The following ACER3 variants were observed in gnomAD, a reference collection of about 807,000 sequenced individuals.
ACER3 encodes alkaline ceramidase 3, also known as alkCDase 3.
ACER3 carries 16 observed loss-of-function variants against 48.9 expected under a neutral mutation model. The ratio of observed to expected loss-of-function variants is 0.33; its 90% CI spans 0.22 to 0.50. The LOEUF is 0.50. ACER3 is among the 20% of genes least tolerant of loss of function. The pLI, the probability that ACER3 is intolerant of heterozygous loss-of-function variation, is 0.98. For synonymous variants in ACER3, 109 were observed against 107.8 expected (o/e 1.01, Z -0.07); for missense variants, 227 against 326.0 (o/e 0.70, Z 2.34).
At chr11:76,892,347 TA>T (rs1565162310) in intron 1 of ACER3, among the ~76,000 whole-genome samples, 3 of 152,194 alleles carry the variant, frequency 2.0e-5, no homozygotes, top group African/African-American at 7.2e-5. Flanking sequence ...TCTTTATTTT[TA>T]AAAAATAAAA....
intron 9 of ACER3, among the ~76,000 whole-genome samples, chr11:77,019,048 GGCTTCAAA>G (rs755112815): frequency 6.6e-6 from 1 of 152,218 alleles, no homozygotes; most frequent in Non-Finnish European, 1.5e-5. Context: ...GTCAATGCGT[GGCTTCAAA>G]GCTTCAAAGG....
chr11:76,975,055 T>C (rs545444300), intron 3 of ACER3, among the ~76,000 whole-genome samples: 85 of 152,348 alleles, frequency 5.6e-4, no homozygotes, highest in African/African-American at 1.9e-3. Flanking sequence ...TTTACCAGAA[T>C]GAATCATTCA....
At chr11:77,011,437 A>G in intron 7 of ACER3, 1 of 934,918 alleles carries the variant, frequency 1.1e-6, no homozygotes, top group South Asian at 4.9e-5. Context: ...TATTCCTGTC[A>G]TATTTCAGTA....
chr11:76,962,432 C>T (rs1205295016), intron 3 of ACER3, among the ~76,000 whole-genome samples: 1 of 151,148 alleles, frequency 6.6e-6, no homozygotes, highest in Non-Finnish European at 1.5e-5. Context: ...ATTGGCCAGG[C>T]TGGTCTTGAA....
chr11:76,947,950 G>A (rs1947519232), intron 2 of ACER3, among the ~76,000 whole-genome samples: 1 of 152,108 alleles, frequency 6.6e-6, no homozygotes, highest in Non-Finnish European at 1.5e-5. Flanking sequence ...TCAGTGAACA[G>A]GAAATGAAAT....
At chr11:76,964,942 G>A (rs1948099205) in intron 3 of ACER3, among the ~76,000 whole-genome samples, 1 of 151,294 alleles carries the variant, frequency 6.6e-6, no homozygotes, top group Admixed American at 6.6e-5. Context: ...CACCAGCAAT[G>A]GAACAAAGCT....
intron 1 of ACER3, among the ~76,000 whole-genome samples, chr11:76,896,805 GA>G (rs1476542291): frequency 6.6e-6 from 1 of 151,940 alleles, no homozygotes; most frequent in Non-Finnish European, 1.5e-5. Context: ...TTTTTCTATT[GA>G]AGTCAGCTGG....
At chr11:77,018,970 A>G (rs1291005690) in intron 9 of ACER3, among the ~76,000 whole-genome samples, 2 of 152,272 alleles carry the variant, frequency 1.3e-5, no homozygotes, top group African/African-American at 4.8e-5. Context: ...ACAGAGTTTC[A>G]GTGTAGATGA....
At chr11:76,915,234 A>C (rs935652142) in intron 1 of ACER3, among the ~76,000 whole-genome samples, 3 of 152,016 alleles carry the variant, frequency 2.0e-5, no homozygotes, top group Non-Finnish European at 2.9e-5. Context: ...AAAAGACAGC[A>C]AAAGAAGACA....
intron 4 of ACER3, among the ~76,000 whole-genome samples, chr11:76,980,290 T>A (rs1948555410): frequency 6.6e-6 from 1 of 152,232 alleles, no homozygotes; most frequent in South Asian, 2.1e-4. Context: ...TGTTTATATA[T>A]CTTTAGGAGA....
chr11:77,001,124 T>C lies in ACER3; in HGVS notation c.497+2303T>C, dbSNP rs1258478826. ...TTTTCAATTTTTTAAGCAGTTGTGATATTGTATTTTTAAATTTTAGTGTCC... is the reference window on the plus strand; with the variant it reads ...TTTTCAATTTTTTAAGCAGTTGTGACATTGTATTTTTAAATTTTAGTGTCC... On this transcript the variant is annotated intron_variant, in intron 7 of 10. Transcript: ENST00000532485. Among the ~76,000 whole-genome samples the C allele has an allele frequency of 2.0e-5, 3 of 152,238 alleles. No homozygotes were observed. In the South Asian group the frequency reaches 6.2e-4, roughly 32 times the overall value.
chr11:77,008,268 C>CTGGGAATAA (rs1949195056), intron 7 of ACER3, among the ~76,000 whole-genome samples: 3 of 152,156 alleles, frequency 2.0e-5, no homozygotes, highest in Non-Finnish European at 4.4e-5. Context: ...CCCAGAAGCC[C>CTGGGAATAA]AAGTCCCAGT....
At chr11:76,908,197 C>G (rs1200651040) in intron 1 of ACER3, among the ~76,000 whole-genome samples, 1 of 152,148 alleles carries the variant, frequency 6.6e-6, no homozygotes, top group Non-Finnish European at 1.5e-5. Flanking sequence ...GATCGTGCCA[C>G]TGCACTCTAG....
intron 1 of ACER3, among the ~76,000 whole-genome samples, chr11:76,890,801 T>G (rs1369875879): frequency 6.6e-6 from 1 of 152,138 alleles, no homozygotes; most frequent in Non-Finnish European, 1.5e-5. Flanking sequence ...GTGAAAAGGA[T>G]AAATAGAACA....
At chr11:76,991,487 T>G (rs1948799592) in intron 6 of ACER3, among the ~76,000 whole-genome samples, 1 of 152,174 alleles carries the variant, frequency 6.6e-6, no homozygotes, top group Non-Finnish European at 1.5e-5. Context: ...CCAGGTCAGC[T>G]GCAGGTAGAT....
chr11:76,925,203 GT>G (rs1445668697), intron 1 of ACER3, among the ~76,000 whole-genome samples: 1 of 152,010 alleles, frequency 6.6e-6, no homozygotes, highest in Non-Finnish European at 1.5e-5. Context: ...CATGTTTTCT[GT>G]TACTACTTTT....
chr11:76,959,120 AG>A, intron 3 of ACER3, 89 bp downstream of exon 3: 3 of 1,599,030 alleles, frequency 1.9e-6, no homozygotes, highest in Non-Finnish European at 2.6e-6. Flanking sequence ...TATGGCTAAA[AG>A]ATGGGATTTG....
intron 1 of ACER3, among the ~76,000 whole-genome samples, chr11:76,863,869 T>G (rs141008939): frequency 1.8e-4 from 28 of 152,316 alleles, no homozygotes; most frequent in Non-Finnish European, 4.0e-4. Flanking sequence ...AGAGATAGTG[T>G]TCACATTGAA....
chr11:76,917,883 A>G (rs1056881918), intron 1 of ACER3, among the ~76,000 whole-genome samples: 6 of 151,882 alleles, frequency 4.0e-5, no homozygotes, highest in African/African-American at 9.7e-5. Context: ...AAAGAAAGAA[A>G]AGAAAAGAAA....
Sources: gnomAD v4.1 joint callset for allele counts (sites outside exome capture counted in the v4.1 genomes callset) on GRCh38, gnomAD v4.1.1 for gene constraint, MANE v1.5 for transcripts, NCBI Gene and HGNC (gene_info 2026-07-23, HGNC 2026-07-21) for gene names.